The following CHM variants were observed in gnomAD, a reference collection of about 807,000 sequenced individuals.
The protein encoded by CHM is CHM Rab escort protein, also known as rab proteins geranylgeranyltransferase component A 1.
Under a neutral mutation model 49.0 loss-of-function variants are expected in CHM, and 10 were observed. The observed-to-expected ratio is 0.20, with a 90% CI of 0.13 to 0.35. The LOEUF (loss-of-function observed/expected upper bound fraction) is 0.35, where lower values mean the gene tolerates loss of function less well. Among genes scored for constraint, CHM ranks in the 10% least tolerant of loss-of-function variants. CHM has a pLI of 1.00. For missense variants in CHM, 455 were observed against 478.4 expected (o/e 0.95, Z 0.46); for synonymous variants, 184 against 167.5 (o/e 1.10, Z -0.76).
At chrX:85,971,505 T>G in intron 4 of CHM, 1 of 262,542 alleles carries the variant, frequency 3.8e-6, no homozygotes, top group Non-Finnish European at 7.3e-6. Context: ...TTCCTCCCGG[T>G]GGGCTTGTGG....
chrX:85,886,222 C>T (rs1925077692), intron 12 of CHM, among the ~76,000 whole-genome samples: 1 of 111,488 alleles, frequency 9.0e-6, no homozygotes, highest in African/African-American at 3.2e-5. Flanking sequence ...CATCCTTCCC[C>T]CCAAAAGTGG....
intron 8 of CHM, among the ~76,000 whole-genome samples, chrX:85,948,314 G>A (rs1415628771): frequency 8.9e-6 from 1 of 111,896 alleles, no homozygotes; most frequent in African/African-American, 3.2e-5. Flanking sequence ...TGTGCAATGT[G>A]CCAGAAAATG....
intron 8 of CHM, among the ~76,000 whole-genome samples, chrX:85,934,280 T>C (rs1289936800): frequency 1.4e-5 from 1 of 73,546 alleles, no homozygotes; most frequent in East Asian, 3.7e-4. Flanking sequence ...GCGCTCAGCC[T>C]TTTTTTTTTT....
At chrX:85,958,091 C>T (rs1930097302) in intron 6 of CHM, 116 bp from the exon 7 acceptor site, 1 of 890,298 alleles carries the variant, frequency 1.1e-6, no homozygotes, top group East Asian at 3.5e-5. Context: ...TCTAGCCAGG[C>T]TTTTTCACAT....
chrX:86,021,452 G>A (rs1933601538), intron 2 of CHM, among the ~76,000 whole-genome samples: 1 of 109,608 alleles, frequency 9.1e-6, no homozygotes. Context: ...GGTACAGAAA[G>A]ATTAAATAAC....
intron 2 of CHM, among the ~76,000 whole-genome samples, chrX:86,007,575 C>A (rs1426374956): frequency 9.0e-6 from 1 of 111,642 alleles, no homozygotes; most frequent in South Asian, 3.7e-4. Flanking sequence ...AAAAAAACAA[C>A]CCCATCAAAA....
chrX:85,969,284 T>C, intron 4 of CHM: 1 of 731,631 alleles, frequency 1.4e-6, no homozygotes. Flanking sequence ...TAAAATCTCT[T>C]CTCACTAAAG....
intron 8 of CHM, among the ~76,000 whole-genome samples, chrX:85,923,720 T>C (rs764973410): frequency 8.1e-5 from 9 of 111,025 alleles, no homozygotes; most frequent in Non-Finnish European, 1.7e-4. Flanking sequence ...TAAGAGTAGA[T>C]AGTGGTAAGT....
At chrX:85,887,202 C>A (rs776214337) in intron 12 of CHM, among the ~76,000 whole-genome samples, 1 of 110,544 alleles carries the variant, frequency 9.0e-6, no homozygotes, top group Non-Finnish European at 1.9e-5. Context: ...TGAATTCTCA[C>A]ATGTTGTGGG....
chrX:85,940,899 T>A (rs910911900), intron 8 of CHM, among the ~76,000 whole-genome samples: 2 of 111,138 alleles, frequency 1.8e-5, no homozygotes, highest in African/African-American at 6.5e-5. Context: ...CCCCTTCTGA[T>A]CATGCATTCA....
At chrX:86,034,339 T>C (rs985155591) in intron 1 of CHM, among the ~76,000 whole-genome samples, 3 of 111,401 alleles carry the variant, frequency 2.7e-5, no homozygotes, top group Non-Finnish European at 5.7e-5. Context: ...ATAACTCCCA[T>C]AAAAACAGAC....
intron 3 of CHM, among the ~76,000 whole-genome samples, chrX:85,981,314 A>G (rs1267511522): frequency 1.0e-5 from 1 of 100,006 alleles, no homozygotes; most frequent in Non-Finnish European, 2.0e-5. Flanking sequence ...GCTCACTGCA[A>G]CCTCCACCTC....
chrX:86,046,397 T>C (rs995592835), intron 1 of CHM, among the ~76,000 whole-genome samples: 2 of 112,462 alleles, frequency 1.8e-5, no homozygotes, highest in Admixed American at 9.4e-5. Flanking sequence ...GTGAGGATTA[T>C]GTTCGGCTTG....
chrX:85,926,836 C>G (rs906717479), intron 8 of CHM, among the ~76,000 whole-genome samples: 1 of 111,486 alleles, frequency 9.0e-6, no homozygotes, highest in Non-Finnish European at 1.9e-5. Context: ...ATAAAAATAT[C>G]TCTCTCTGAG....
intron 14 of CHM, among the ~76,000 whole-genome samples, chrX:85,869,018 C>A (rs908761239): frequency 1.8e-5 from 2 of 111,775 alleles, no homozygotes; most frequent in Non-Finnish European, 3.8e-5. Flanking sequence ...TTCTTCACAT[C>A]CAGAATGTTT....
At position 85,863,905 on chromosome X, in the gene CHM, T is replaced by C. The variant is rs1308035318; in HGVS notation, c.*725A>G. The C allele has an allele frequency of 1.8e-5, 2 of 112,153 alleles. No homozygotes were observed. Among genetic ancestry groups the C allele is most frequent in the Non-Finnish European group, 3.8e-5 (2 of 53,321 alleles). 9.2% of individuals were successfully genotyped at this position (112,153 alleles called of 1,213,427 possible). On this transcript the variant is annotated 3_prime_UTR_variant, in exon 15 of 15. Coordinates refer to ENST00000357749, the MANE Select transcript of CHM (RefSeq NM_000390.4). Reference sequence around the variant, plus strand: ...TCTGTAGACAATTAGCCTAATACTCTAGTTACTTGACAGACAGAATATTCA... The same window carrying C: ...TCTGTAGACAATTAGCCTAATACTCCAGTTACTTGACAGACAGAATATTCA...
At position 85,900,506 on chromosome X, in the gene CHM, GT is replaced by G; in HGVS notation, c.1413+139del. 1.0e-5 allele frequency: 5 copies of G among 477,968 alleles called. No homozygotes were observed. The Admixed American group carries it at 1.6e-4, about 16-fold the overall frequency. The allele number at this position is 477,968 out of a possible 1,213,427, so 39.4% of individuals were successfully genotyped here. A position where few individuals can be genotyped will look rare whatever the true frequency, so the allele number is the denominator to read the frequency against. On this transcript the variant is annotated intron_variant, in intron 11 of 14. Coordinates refer to ENST00000357749, the MANE Select transcript of CHM (RefSeq NM_000390.4). ...AATTTGCTGAAAGTAGATCTTAAGT[GT>G]TCTCACCACAAAAAAAGGTAACTAT... is the stretch of plus-strand genomic sequence containing the variant.
At chrX:86,011,973 T>C (rs751259345) in intron 2 of CHM, among the ~76,000 whole-genome samples, 1 of 112,334 alleles carries the variant, frequency 8.9e-6, no homozygotes, top group South Asian at 3.7e-4. Flanking sequence ...CCCGTAAGAC[T>C]CATTTTGAAC....
intron 8 of CHM, among the ~76,000 whole-genome samples, chrX:85,954,782 C>G (rs1490505950): frequency 9.2e-6 from 1 of 109,197 alleles, no homozygotes; most frequent in African/African-American, 3.3e-5. Context: ...ATCCCAGCTA[C>G]TCAGGAGACT....
Sources: allele counts gnomAD v4.1 joint callset (sites outside exome capture counted in the v4.1 genomes callset), GRCh38; gene constraint gnomAD v4.1.1; transcripts MANE v1.5; gene names NCBI Gene and HGNC (gene_info 2026-07-23, HGNC 2026-07-21).